Variants in LNX2 observed in about 807,000 individuals in gnomAD.
The protein encoded by LNX2 is ligand of numb-protein X 2, also known as ligand of Numb protein X 2.
Under a neutral mutation model 66.2 loss-of-function variants are expected in LNX2, and 35 were observed. The ratio of observed to expected loss-of-function variants is 0.53; its 90% CI spans 0.40 to 0.70. The LOEUF is 0.70. Ranked by LOEUF, LNX2 falls within the 30% of genes least tolerant of loss-of-function variation. LNX2 has a pLI of 0.00. For missense variants in LNX2, 791 were observed against 850.8 expected (o/e 0.93, Z 0.87); for synonymous variants, 337 against 315.6 (o/e 1.07, Z -0.72).
intron 9 of LNX2, among the ~76,000 whole-genome samples, chr13:27,549,918 G>A (rs1223996650): frequency 6.6e-6 from 1 of 152,176 alleles, no homozygotes; most frequent in Non-Finnish European, 1.5e-5. Flanking sequence ...TAGGCTGTGT[G>A]GGAAACTTAC....
chr13:27,594,652 T>C (rs967827245), intron 1 of LNX2, among the ~76,000 whole-genome samples: 5 of 152,190 alleles, frequency 3.3e-5, no homozygotes, highest in African/African-American at 7.2e-5. Flanking sequence ...TGCCTCACAC[T>C]TGTGTTCAAA....
At chr13:27,607,480 G>T (rs1462715036) in intron 1 of LNX2, among the ~76,000 whole-genome samples, 3 of 152,138 alleles carry the variant, frequency 2.0e-5, no homozygotes, top group Non-Finnish European at 1.5e-5. Context: ...TTTAAACAAG[G>T]CGTGAAAAAC....
intron 4 of LNX2, 118 bp from the exon 5 acceptor site, chr13:27,562,899 GA>G: frequency 2.0e-6 from 2 of 978,158 alleles, no homozygotes; most frequent in Non-Finnish European, 3.0e-6. Context: ...AGTATGGTGA[GA>G]ATGCTATACA....
chr13:27,549,324 G>A (rs1954979113), intron 9 of LNX2, among the ~76,000 whole-genome samples: 1 of 152,116 alleles, frequency 6.6e-6, no homozygotes, highest in African/African-American at 2.4e-5. Context: ...TTAAGAACTG[G>A]TTCTTCCTTC....
At chr13:27,560,050 A>T in intron 5 of LNX2, 65 bp from the exon 6 acceptor site, 1 of 1,373,478 alleles carries the variant, frequency 7.3e-7, no homozygotes, top group Non-Finnish European at 9.8e-7. Context: ...AAGATTACAC[A>T]CAGTGTAATT....
intron 1 of LNX2, among the ~76,000 whole-genome samples, chr13:27,583,224 G>GCGCGCGCGTCCTCTCCTATATAACTT (rs1472197071): frequency 0.075 from 1,984 of 26,334 alleles, 443 homozygotes; most frequent in Middle Eastern, 0.17. Context: ...GTGTGTGTGT[G>GCGCGCGCGTCCTCTCCTATATAACTT]TGTGTGTGTG....
intron 1 of LNX2, among the ~76,000 whole-genome samples, chr13:27,597,149 G>C (rs544162253): frequency 6.6e-6 from 1 of 152,232 alleles, no homozygotes; most frequent in East Asian, 1.9e-4. Context: ...CTGTCCTTTT[G>C]TAGATGGCTA....
intron 8 of LNX2, among the ~76,000 whole-genome samples, chr13:27,551,416 A>T (rs953645083): frequency 6.6e-6 from 1 of 152,088 alleles, no homozygotes; most frequent in Non-Finnish European, 1.5e-5. Context: ...AAATGTACTT[A>T]TGTTTCCATA....
intron 1 of LNX2, among the ~76,000 whole-genome samples, chr13:27,612,630 C>G (rs1220830775): frequency 6.6e-6 from 1 of 152,208 alleles, no homozygotes. Context: ...CAGAGTCTCA[C>G]TCTTGTTGCC....
intron 2 of LNX2, among the ~76,000 whole-genome samples, chr13:27,572,222 A>G (rs574154861): frequency 6.6e-6 from 1 of 152,356 alleles, no homozygotes; most frequent in South Asian, 2.1e-4. Flanking sequence ...TCACAAAAAT[A>G]AAAACCTATC....
chr13:27,553,224 AC>A lies in LNX2; in HGVS notation c.1761del (p.Met587IlefsTer15), dbSNP rs1955024649. On this transcript the variant is annotated frameshift_variant, in exon 8 of 10. Coordinates refer to ENST00000316334, the MANE Select transcript of LNX2 (RefSeq NM_153371.4). LOFTEE classifies it high-confidence loss of function. ...YDASWSPSWV[M>X]WLGLPSTLHS... ...GCTCAGTACCTGGGAAGCCCAAGCCACATGACCCATGATGGGGACCAACTGG... is the reference window on the plus strand; with the variant it reads ...GCTCAGTACCTGGGAAGCCCAAGCCAATGACCCATGATGGGGACCAACTGG... The A allele has an allele frequency of 6.2e-7, 1 of 1,614,144 alleles. No individual in the cohort carries two copies. The highest frequency in any genetic ancestry group is 8.5e-7 in the Non-Finnish European group (1 of 1,180,004).
intron 5 of LNX2, 145 bp from the exon 6 acceptor site, chr13:27,560,130 A>C: frequency 1.8e-6 from 1 of 553,954 alleles, no homozygotes; most frequent in Non-Finnish European, 2.9e-6. Context: ...TGGTGGCAAG[A>C]GGAATGAGTT....
chr13:27,546,112 G>A lies in LNX2; in HGVS notation c.*2223C>T, dbSNP rs1403696752. 1 of 152,106 alleles carries A rather than the reference G, an allele frequency of 6.6e-6. No individual in the cohort carries two copies. The highest frequency in any genetic ancestry group is 1.5e-5 in the Non-Finnish European group (1 of 68,026). The allele number at this position is 152,106 out of a possible 1,614,324, so 9.4% of individuals were successfully genotyped here. ...AGTTTCCGTCACCAAATATCACTCTGACCAAAAATGACTGTCTTTTGTCAT... is the reference window on the plus strand; with the variant it reads ...AGTTTCCGTCACCAAATATCACTCTAACCAAAAATGACTGTCTTTTGTCAT... On this transcript the variant is annotated 3_prime_UTR_variant, in exon 10 of 10. Coordinates refer to ENST00000316334, the MANE Select transcript of LNX2 (RefSeq NM_153371.4).
chr13:27,607,983 T>C (rs1955735372), intron 1 of LNX2, among the ~76,000 whole-genome samples: 1 of 152,212 alleles, frequency 6.6e-6, no homozygotes, highest in Non-Finnish European at 1.5e-5. Context: ...TCTCCATTAA[T>C]TGCTTACCTA....
chr13:27,549,367 A>G (rs35176975), intron 9 of LNX2, among the ~76,000 whole-genome samples: 5,869 of 151,636 alleles, frequency 0.039, 137 homozygotes, highest in East Asian at 0.088. Context: ...ACAATCAACC[A>G]CCTCCTCTCT....
At chr13:27,582,498 G>C (rs1235207651) in intron 1 of LNX2, among the ~76,000 whole-genome samples, 1 of 152,196 alleles carries the variant, frequency 6.6e-6, no homozygotes, top group Non-Finnish European at 1.5e-5. Flanking sequence ...TAGTAATGCT[G>C]TTTGAGGTAT....
intron 1 of LNX2, among the ~76,000 whole-genome samples, chr13:27,592,754 C>A (rs967872691): frequency 6.6e-6 from 1 of 151,844 alleles, no homozygotes; most frequent in Non-Finnish European, 1.5e-5. Flanking sequence ...TGTGATTGGA[C>A]GAAAATTAAG....
chr13:27,604,316 C>T (rs1409378415), intron 1 of LNX2, among the ~76,000 whole-genome samples: 1 of 152,044 alleles, frequency 6.6e-6, no homozygotes, highest in African/African-American at 2.4e-5. Flanking sequence ...ATGAGGAGAG[C>T]AGGCATGGCC....
At chr13:27,617,924 A>G (rs1593269791) in intron 1 of LNX2, among the ~76,000 whole-genome samples, 1 of 152,230 alleles carries the variant, frequency 6.6e-6, no homozygotes, top group Non-Finnish European at 1.5e-5. Context: ...GGAACAACTA[A>G]TATTTACTGA....
Sources: gnomAD v4.1 joint callset for allele counts (sites outside exome capture counted in the v4.1 genomes callset) on GRCh38, gnomAD v4.1.1 for gene constraint, MANE v1.5 for transcripts, NCBI Gene and HGNC (gene_info 2026-07-23, HGNC 2026-07-21) for gene names.